The following FMN2 variants were observed in gnomAD, a reference collection of about 807,000 sequenced individuals.
FMN2 encodes formin-2.
A neutral mutation model predicts 142.3 loss-of-function variants in FMN2; 51 were observed. The ratio of observed to expected loss-of-function variants is 0.36; its 90% CI spans 0.29 to 0.45. The LOEUF (loss-of-function observed/expected upper bound fraction) is 0.45. Among genes scored for constraint, FMN2 ranks in the 20% least tolerant of loss-of-function variants. The pLI is 1.00. For missense variants in FMN2, 1,936 were observed against 2,122.8 expected (o/e 0.91, Z 1.73); for synonymous variants, 882 against 869.8 (o/e 1.01, Z -0.25).
chr1:240,113,662 G>GTC (rs1287056795), intron 1 of FMN2, among the ~76,000 whole-genome samples: 2 of 151,760 alleles, frequency 1.3e-5, no homozygotes, highest in Non-Finnish European at 2.9e-5. Context: ...GTAGGTGAGT[G>GTC]TCTCCTGATT....
intron 7 of FMN2, among the ~76,000 whole-genome samples, chr1:240,258,365 A>T (rs1668520087): frequency 6.6e-6 from 1 of 152,184 alleles, no homozygotes; most frequent in African/African-American, 2.4e-5. Flanking sequence ...AAAGTTCGAG[A>T]TCAGGGTGCC....
chr1:240,287,732 ACAAC>A (rs1400528069), intron 7 of FMN2, among the ~76,000 whole-genome samples: 1 of 152,208 alleles, frequency 6.6e-6, no homozygotes, highest in African/African-American at 2.4e-5. Context: ...AATAATCACA[ACAAC>A]CAACATTTTC....
At chr1:240,205,456 CTTTTTTTTTTTTT>C (rs36115091) in intron 4 of FMN2, among the ~76,000 whole-genome samples, 1,135 of 97,544 alleles carry the variant, frequency 0.012, 82 homozygotes, top group Admixed American at 0.11. Flanking sequence ...ATGCTCTTTC[CTTTTTTTTTTTTT>C]TTTTTTTTTT....
chr1:240,440,821 G>A (rs1675584695), intron 16 of FMN2, among the ~76,000 whole-genome samples: 1 of 150,706 alleles, frequency 6.6e-6, no homozygotes, highest in Non-Finnish European at 1.5e-5. Flanking sequence ...CTTAGTGAGG[G>A]ACCAGCTATG....
chr1:240,184,671 A>G (rs930321429), intron 3 of FMN2, among the ~76,000 whole-genome samples: 2 of 151,898 alleles, frequency 1.3e-5, no homozygotes, highest in Admixed American at 6.6e-5. Context: ...TTCGATGGAG[A>G]TGATCAGTCT....
At chr1:240,408,225 AAGT>A (rs1674277674) in intron 15 of FMN2, among the ~76,000 whole-genome samples, 2 of 152,212 alleles carry the variant, frequency 1.3e-5, no homozygotes, top group African/African-American at 4.8e-5. Context: ...TATTGCACGT[AAGT>A]TAAAGAGAAT....
At chr1:240,183,381 A>G (rs141280531) in intron 3 of FMN2, among the ~76,000 whole-genome samples, 200 of 149,352 alleles carry the variant, frequency 1.3e-3, no homozygotes, top group African/African-American at 4.6e-3. Context: ...TCCCAAAAAT[A>G]ATTACATATT....
chr1:240,155,641 C>T (rs1470727701), intron 2 of FMN2, among the ~76,000 whole-genome samples: 1 of 152,086 alleles, frequency 6.6e-6, no homozygotes, highest in Non-Finnish European at 1.5e-5. Context: ...GAAACACATT[C>T]TACAGACATA....
chr1:240,459,178 C>G (rs920885409), intron 16 of FMN2: 7 of 152,128 alleles, frequency 4.6e-5, no homozygotes, highest in African/African-American at 1.7e-4. Context: ...TCAGATTTCT[C>G]ATCTGTTTTC....
intron 14 of FMN2, among the ~76,000 whole-genome samples, chr1:240,365,574 G>A (rs965920998): frequency 6.6e-6 from 1 of 152,050 alleles, no homozygotes; most frequent in Admixed American, 6.6e-5. Context: ...CACTATTTAT[G>A]TGAGACAGCC....
At chr1:240,145,268 G>C (rs1434780733) in intron 2 of FMN2, 12 of 1,436,062 alleles carry the variant, frequency 8.4e-6, no homozygotes, top group Non-Finnish European at 1.1e-5. Flanking sequence ...CTTGTCCCCG[G>C]CATCCCGCCG....
chr1:240,373,635 G>A (rs1412249346), intron 14 of FMN2, among the ~76,000 whole-genome samples: 1 of 152,120 alleles, frequency 6.6e-6, no homozygotes, highest in Non-Finnish European at 1.5e-5. Context: ...CATCATGAGC[G>A]ATTTGCTGCG....
intron 7 of FMN2, among the ~76,000 whole-genome samples, chr1:240,263,722 A>G (rs897568225): frequency 1.3e-5 from 2 of 152,116 alleles, no homozygotes; most frequent in East Asian, 1.9e-4. Context: ...TAGATTACAG[A>G]TCTCATCACA....
At chr1:240,285,928 C>T (rs1333954635) in intron 7 of FMN2, among the ~76,000 whole-genome samples, 1 of 151,928 alleles carries the variant, frequency 6.6e-6, no homozygotes, top group African/African-American at 2.4e-5. Flanking sequence ...TGGTTTCTAA[C>T]ATCCCTTGTA....
chr1:240,419,649 C>G (rs937573769), intron 15 of FMN2, among the ~76,000 whole-genome samples: 1 of 152,258 alleles, frequency 6.6e-6, no homozygotes, highest in Non-Finnish European at 1.5e-5. Context: ...GAGTATTTCC[C>G]TTTTGCACTA....
chr1:240,229,126 A>G (rs1399521537), intron 6 of FMN2, among the ~76,000 whole-genome samples: 1 of 152,050 alleles, frequency 6.6e-6, no homozygotes, highest in African/African-American at 2.4e-5. Context: ...TTGACAGTAA[A>G]CTGGTTTTAT....
At chr1:240,111,494 G>T (rs1213172900) in intron 1 of FMN2, among the ~76,000 whole-genome samples, 1 of 152,062 alleles carries the variant, frequency 6.6e-6, no homozygotes, top group African/African-American at 2.4e-5. Context: ...CCCCTTCTTT[G>T]ACCATATAGG....
At chr1:240,199,225 G>A (rs960957861) in intron 4 of FMN2, among the ~76,000 whole-genome samples, 1 of 152,296 alleles carries the variant, frequency 6.6e-6, no homozygotes, top group East Asian at 1.9e-4. Context: ...TGTTGCTTTA[G>A]AATTTAGCAG....
At chr1:240,449,357 C>T (rs74149116) in intron 16 of FMN2, among the ~76,000 whole-genome samples, 2,315 of 152,212 alleles carry the variant, frequency 0.015, 63 homozygotes, top group African/African-American at 0.053. Flanking sequence ...ACCAAGTCAC[C>T]GCTCAGGCTT....
Sources: allele counts gnomAD v4.1 joint callset (sites outside exome capture counted in the v4.1 genomes callset), GRCh38; gene constraint gnomAD v4.1.1; transcripts MANE v1.5; gene names NCBI Gene and HGNC (gene_info 2026-07-23, HGNC 2026-07-21).